Variants in SPAG16 observed in about 807,000 individuals in gnomAD.
SPAG16 encodes the protein sperm-associated antigen 16 protein.
Under a neutral mutation model 80.4 loss-of-function variants are expected in SPAG16, and 86 were observed. The ratio of observed to expected loss-of-function variants is 1.07; its 90% CI spans 0.90 to 1.28. The LOEUF (loss-of-function observed/expected upper bound fraction) is 1.28. Ranked by LOEUF, SPAG16 falls within the 50% of genes most tolerant of loss-of-function variation. The probability of loss-of-function intolerance (pLI) is 0.00; values close to 1 mark genes in which losing one functional copy is unlikely to be tolerated. For missense variants in SPAG16, 870 were observed against 765.3 expected, an observed-to-expected ratio of 1.14 and a Z score of -1.61; for synonymous variants, 294 against 265.9, an observed-to-expected ratio of 1.11 and a Z score of -1.03.
At chr2:213,575,843 A>C (rs549470354) in intron 10 of SPAG16, among the ~76,000 whole-genome samples, 1 of 152,304 alleles carries the variant, frequency 6.6e-6, no homozygotes, top group South Asian at 2.1e-4. Context: ...GTGTCTCACA[A>C]ATCATTCTTG....
chr2:213,573,633 A>G (rs181020239), intron 10 of SPAG16, among the ~76,000 whole-genome samples: 47 of 152,194 alleles, frequency 3.1e-4, no homozygotes, highest in African/African-American at 1.1e-3. Context: ...CCTTTAATAC[A>G]TATTTTGTAT....
intron 10 of SPAG16, among the ~76,000 whole-genome samples, chr2:213,583,319 A>G (rs147536565): frequency 1.4e-4 from 22 of 152,320 alleles, no homozygotes; most frequent in African/African-American, 5.1e-4. Context: ...CCAAAACAAA[A>G]GTATATGATA....
chr2:213,792,615 A>C, intron 10 of SPAG16, among the ~76,000 whole-genome samples: 1 of 116,458 alleles, frequency 8.6e-6, no homozygotes, highest in African/African-American at 3.4e-5. Flanking sequence ...ACCGGGTCTC[A>C]CTCTCTTGCC....
At chr2:214,070,650 G>C (rs1215090942) in intron 13 of SPAG16, among the ~76,000 whole-genome samples, 2 of 151,994 alleles carry the variant, frequency 1.3e-5, no homozygotes, top group African/African-American at 4.8e-5. Flanking sequence ...CAAATGAGCT[G>C]ATCATATAGA....
intron 8 of SPAG16, chr2:213,364,983 T>C (rs547902739): frequency 2.0e-5 from 3 of 152,304 alleles, no homozygotes; most frequent in African/African-American, 7.2e-5. Context: ...ACACAGAATT[T>C]GGAGTTTGAG....
rs537581340 is a variant in SPAG16 at position 213,617,658 on chromosome 2, T to A, written c.1070+127568T>A. On this transcript the variant is annotated intron_variant, in intron 10 of 15. Coordinates refer to ENST00000331683, the MANE Select transcript of SPAG16 (RefSeq NM_024532.5). ...GCCCGGCCCAAAATAATTTTTTTTT[T>A]AAAAATGAGCAAGGCATAGTGGCAT... 2.8e-3 allele frequency among the ~76,000 whole-genome samples: 425 copies of A among 151,976 alleles called. 3 individuals are homozygous for A. The highest frequency in any genetic ancestry group is 6.3e-3 in the African/African-American group (260 of 41,458).
intron 5 of SPAG16, among the ~76,000 whole-genome samples, chr2:213,338,704 C>G (rs2064512883): frequency 6.6e-6 from 1 of 152,150 alleles, no homozygotes; most frequent in South Asian, 2.1e-4. Context: ...GGGACCATGT[C>G]CTTTGTAGCG....
intron 13 of SPAG16, among the ~76,000 whole-genome samples, chr2:214,060,822 AT>A (rs1273608945): frequency 6.6e-6 from 1 of 152,196 alleles, no homozygotes; most frequent in East Asian, 1.9e-4. Context: ...ATATGAGAGG[AT>A]TCAGAAAATT....
chr2:213,904,600 C>CAAA (rs34952255), intron 11 of SPAG16, among the ~76,000 whole-genome samples: 56 of 89,448 alleles, frequency 6.3e-4, no homozygotes, highest in African/African-American at 2.2e-3. Context: ...ATAAATTTTG[C>CAAA]AAAAAAAAAA....
At chr2:213,670,691 T>G (rs1255644871) in intron 10 of SPAG16, among the ~76,000 whole-genome samples, 2 of 152,210 alleles carry the variant, frequency 1.3e-5, no homozygotes. Context: ...TAGTGCTGAT[T>G]GATCACCAGA....
At chr2:214,161,757 A>G (rs1485356730) in intron 15 of SPAG16, among the ~76,000 whole-genome samples, 3 of 152,114 alleles carry the variant, frequency 2.0e-5, no homozygotes, top group Admixed American at 6.6e-5. Flanking sequence ...ATGGGTTGAT[A>G]GGTACAGCAA....
intron 8 of SPAG16, 142 bp downstream of exon 8, chr2:213,364,287 G>A: frequency 4.8e-6 from 2 of 414,852 alleles, no homozygotes; most frequent in Admixed American, 8.8e-5. Context: ...AAAAGATTAA[G>A]AAGAAATATA....
chr2:213,501,983 C>G (rs1396763995), intron 10 of SPAG16, among the ~76,000 whole-genome samples: 1 of 152,050 alleles, frequency 6.6e-6, no homozygotes, highest in Non-Finnish European at 1.5e-5. Context: ...GGCTATTAAC[C>G]AAAGTGGTTT....
chr2:213,673,616 A>G (rs1045827408), intron 10 of SPAG16, among the ~76,000 whole-genome samples: 6 of 152,192 alleles, frequency 3.9e-5, no homozygotes, highest in Admixed American at 3.3e-4. Context: ...GCATACAACA[A>G]ATGTTCATAC....
intron 10 of SPAG16, among the ~76,000 whole-genome samples, chr2:213,781,173 C>G (rs1410452573): frequency 6.6e-6 from 1 of 152,192 alleles, no homozygotes; most frequent in Non-Finnish European, 1.5e-5. Flanking sequence ...CTCAAGCCTT[C>G]CATCTTCATA....
intron 12 of SPAG16, among the ~76,000 whole-genome samples, chr2:213,971,928 T>C (rs531774793): frequency 1.3e-5 from 2 of 151,168 alleles, no homozygotes; most frequent in African/African-American, 4.8e-5. Context: ...TGATATCTAA[T>C]TGTGTGTGTG....
intron 9 of SPAG16, among the ~76,000 whole-genome samples, chr2:213,451,836 C>T (rs2071710965): frequency 6.6e-6 from 1 of 152,112 alleles, no homozygotes; most frequent in South Asian, 2.1e-4. Context: ...CTGCTCTGCG[C>T]TGCTTATCTG....
intron 10 of SPAG16, among the ~76,000 whole-genome samples, chr2:213,737,286 A>G (rs527607199): frequency 2.6e-5 from 4 of 152,112 alleles, no homozygotes; most frequent in East Asian, 3.9e-4. Flanking sequence ...CTTTCTTCCA[A>G]TTTTCTTTGT....
At chr2:213,897,576 A>G (rs938931421) in intron 11 of SPAG16, among the ~76,000 whole-genome samples, 5 of 150,814 alleles carry the variant, frequency 3.3e-5, no homozygotes, top group Admixed American at 6.7e-5. Flanking sequence ...TCTTTAAGCT[A>G]TCTTATTTTC....
Sources: allele counts gnomAD v4.1 joint callset (sites outside exome capture counted in the v4.1 genomes callset), GRCh38; gene constraint gnomAD v4.1.1; transcripts MANE v1.5; gene names NCBI Gene and HGNC (gene_info 2026-07-23, HGNC 2026-07-21).